The following PIGN variants were observed in gnomAD, a reference collection of about 807,000 sequenced individuals.
The protein encoded by PIGN is phosphatidylinositol glycan anchor biosynthesis class N.
Under a neutral mutation model 125.4 loss-of-function variants are expected in PIGN, and 117 were observed. That is an observed-to-expected ratio of 0.93 (90% CI 0.80 to 1.09). The LOEUF (loss-of-function observed/expected upper bound fraction) is 1.09, where lower values mean the gene tolerates loss of function less well. PIGN is among the 50% of genes least tolerant of loss of function. The probability of loss-of-function intolerance (pLI) is 0.00; values close to 1 mark genes in which losing one functional copy is unlikely to be tolerated. For missense variants in PIGN, 1,075 were observed against 1,094.9 expected (o/e 0.98, Z 0.26); for synonymous variants, 392 against 377.8 (o/e 1.04, Z -0.44).
intron 20 of PIGN, among the ~76,000 whole-genome samples, 200 bp from the exon 21 acceptor site, chr18:62,103,102 G>C (rs532888582): frequency 1.3e-5 from 2 of 152,108 alleles, no homozygotes; most frequent in South Asian, 2.1e-4. Flanking sequence ...TTTAATCTTA[G>C]GATAAAGATA....
chr18:62,149,318 CCTAA>C (rs2036448210), intron 7 of PIGN, among the ~76,000 whole-genome samples: 1 of 151,898 alleles, frequency 6.6e-6, no homozygotes, highest in African/African-American at 2.4e-5. Context: ...AAAATTGCCC[CCTAA>C]CTTTCATATA....
intron 6 of PIGN, among the ~76,000 whole-genome samples, chr18:62,155,586 A>G (rs977136569): frequency 1.3e-5 from 2 of 152,032 alleles, no homozygotes; most frequent in East Asian, 3.9e-4. Flanking sequence ...ACAAAAACAA[A>G]AAGAGAGATA....
intron 2 of PIGN, among the ~76,000 whole-genome samples, chr18:62,162,987 C>A (rs942463200): frequency 6.6e-6 from 1 of 151,982 alleles, no homozygotes; most frequent in Non-Finnish European, 1.5e-5. Context: ...GTGAAAAATT[C>A]TTCAAATTAC....
At chr18:62,059,653 T>C (rs1263173403) in intron 30 of PIGN, among the ~76,000 whole-genome samples, 2 of 152,290 alleles carry the variant, frequency 1.3e-5, no homozygotes, top group Admixed American at 6.5e-5. Flanking sequence ...GGGATGGTAA[T>C]GGGAACAGAT....
chr18:62,091,524 T>C (rs2033958768), intron 23 of PIGN, among the ~76,000 whole-genome samples: 1 of 152,192 alleles, frequency 6.6e-6, no homozygotes, highest in Non-Finnish European at 1.5e-5. Context: ...TAAGCAGACA[T>C]GTGCTACAAT....
intron 30 of PIGN, among the ~76,000 whole-genome samples, chr18:62,058,271 T>C (rs2031875063): frequency 6.6e-6 from 1 of 152,260 alleles, no homozygotes; most frequent in Non-Finnish European, 1.5e-5. Flanking sequence ...TCTGTAACAT[T>C]TATATATTAA....
chr18:62,084,740 G>T, intron 26 of PIGN, 134 bp from the exon 27 acceptor site: 1 of 678,316 alleles, frequency 1.5e-6, no homozygotes, highest in Non-Finnish European at 2.6e-6. Flanking sequence ...ATATTATGAA[G>T]CCACTAAAAT....
At chr18:62,021,294 G>C (rs920548513) in intron 23 of PIGN, among the ~76,000 whole-genome samples, 1 of 152,214 alleles carries the variant, frequency 6.6e-6, no homozygotes, top group African/African-American at 2.4e-5. Flanking sequence ...TGTTGTGTAT[G>C]TCAAGCCAGG....
intron 14 of PIGN, among the ~76,000 whole-genome samples, chr18:62,117,232 G>A (rs965802737): frequency 1.1e-4 from 17 of 151,844 alleles, no homozygotes; most frequent in Admixed American, 2.0e-4. Flanking sequence ...AAATTGAGAG[G>A]GGATATAAAG....
intron 1 of PIGN, among the ~76,000 whole-genome samples, chr18:62,175,024 T>C (rs1263810635): frequency 6.8e-6 from 1 of 147,024 alleles, no homozygotes; most frequent in Admixed American, 6.9e-5. Context: ...AAACATTATA[T>C]ATATTAGATA....
chr18:62,097,763 C>T (rs1223290735), intron 22 of PIGN, among the ~76,000 whole-genome samples: 5 of 151,908 alleles, frequency 3.3e-5, no homozygotes, highest in Admixed American at 6.6e-5. Flanking sequence ...TGCAGTATGC[C>T]CCTTGGAAAA....
chr18:62,169,867 C>T (rs2147802793), intron 1 of PIGN, among the ~76,000 whole-genome samples: 1 of 152,284 alleles, frequency 6.6e-6, no homozygotes, highest in East Asian at 1.9e-4. Context: ...AAGTGATTCT[C>T]CTGCCTTGGC....
At chr18:62,163,436 A>G (rs983660934) in intron 2 of PIGN, 95 bp downstream of exon 2, 2 of 152,146 alleles carry the variant, frequency 1.3e-5, no homozygotes, top group African/African-American at 4.8e-5. Flanking sequence ...TTTTGTTTTC[A>G]ATTTTGTTTC....
chr18:62,115,034 A>G (rs2035035857), intron 14 of PIGN, among the ~76,000 whole-genome samples: 1 of 152,208 alleles, frequency 6.6e-6, no homozygotes, highest in South Asian at 2.1e-4. Flanking sequence ...GGACAGATCC[A>G]TCAATGTTCT....
At chr18:62,146,799 AT>A (rs1177791847) in intron 9 of PIGN, among the ~76,000 whole-genome samples, 171 bp downstream of exon 9, 3 of 151,222 alleles carry the variant, frequency 2.0e-5, no homozygotes, top group South Asian at 2.1e-4. Flanking sequence ...TAGAGAAAAT[AT>A]TTTTTTATAA....
intron 24 of PIGN, 66 bp downstream of exon 24, chr18:62,090,410 G>A (rs1599493719): frequency 1.2e-6 from 1 of 838,922 alleles, no homozygotes; most frequent in Non-Finnish European, 1.8e-6. Context: ...AAATAATATT[G>A]CAACTTCCTT....
intron 23 of PIGN, among the ~76,000 whole-genome samples, chr18:62,027,320 T>C (rs939859184): frequency 6.6e-6 from 1 of 152,108 alleles, no homozygotes; most frequent in African/African-American, 2.4e-5. Flanking sequence ...TCAGTTAACT[T>C]AGAAAGTTTA....
chr18:62,165,489 G>A (rs550484037), intron 1 of PIGN, among the ~76,000 whole-genome samples: 1 of 152,312 alleles, frequency 6.6e-6, no homozygotes, highest in South Asian at 2.1e-4. Context: ...CTTTAACTTA[G>A]AGAAGGAAAA....
At chr18:62,121,351 C>T (rs2035297457) in intron 14 of PIGN, among the ~76,000 whole-genome samples, 1 of 152,142 alleles carries the variant, frequency 6.6e-6, no homozygotes, top group Admixed American at 6.5e-5. Context: ...TAAAAAAATT[C>T]CCATTCTAAA....
Sources: allele counts gnomAD v4.1 joint callset (sites outside exome capture counted in the v4.1 genomes callset), GRCh38; gene constraint gnomAD v4.1.1; transcripts MANE v1.5; gene names NCBI Gene and HGNC (gene_info 2026-07-23, HGNC 2026-07-21).